Variants in PIWIL1 observed in about 807,000 individuals in gnomAD.
PIWIL1 encodes piwi like RNA-mediated gene silencing 1.
In PIWIL1, 73 loss-of-function variants were observed where a neutral mutation model predicts 114.4. That is an observed-to-expected ratio of 0.64 (90% CI 0.53 to 0.78). The LOEUF (loss-of-function observed/expected upper bound fraction) is 0.78, where lower values mean the gene tolerates loss of function less well. Among genes scored for constraint, PIWIL1 ranks in the 30% least tolerant of loss-of-function variants. The pLI is 0.00. For synonymous variants in PIWIL1, 375 were observed against 369.0 expected, an observed-to-expected ratio of 1.02 and a Z score of -0.19; for missense variants, 723 against 1,063.1, an observed-to-expected ratio of 0.68 and a Z score of 4.45.
chr12:130,355,666 C>T lies in PIWIL1; in HGVS notation c.1403C>T (p.Thr468Ile), dbSNP rs149285666. The change falls in exon 12 of 21, where the codon ACA becomes ATA. Residue 468 changes from threonine (T) to isoleucine (I), a missense_variant and splice_region_variant. Thr to Ile is a moderately conservative substitution (Grantham distance 89). This residue lies in a region of PIWIL1 where 298 missense variants were observed against 420.8 expected (regional missense o/e 0.71). Transcript: ENST00000245255. ...GAAAAGATTCACCAAGGTGGAAAAA[C>T]AGTAAGGCAGTTTTTCGTTGGTGTT... is the stretch of plus-strand genomic sequence containing the variant. ...QTEKIHQGGK[T>I]FDYNPQFADW... 6.3e-6 allele frequency: 10 copies of T among 1,599,272 alleles called. No homozygotes were observed. In the East Asian group the frequency reaches 8.9e-5, roughly 14 times the overall value.
the PIWIL1 span, chr12:130,399,535 C>A: frequency 1.2e-6 from 1 of 839,534 alleles, no homozygotes; most frequent in Non-Finnish European, 1.8e-6. Context: ...GGTACAACTC[C>A]CATGGCTTCA....
chr12:130,385,580 T>C, the PIWIL1 span, among the ~76,000 whole-genome samples: 2 of 152,222 alleles, frequency 1.3e-5, no homozygotes, highest in African/African-American at 4.8e-5. Context: ...GTGAACGGCT[T>C]ATAGATGTTT....
At chr12:130,354,712 T>C (rs752017518) in intron 10 of PIWIL1, 49 bp downstream of exon 10, 2 of 1,535,658 alleles carry the variant, frequency 1.3e-6, no homozygotes, top group Non-Finnish European at 1.7e-6. Flanking sequence ...GATTTACCCT[T>C]TCTTTCCTAG....
At chr12:130,374,155 A>G (rs1413782176), downstream of PIWIL1, among the ~76,000 whole-genome samples, 2 of 152,158 alleles carry the variant, frequency 1.3e-5, no homozygotes, top group East Asian at 3.9e-4. Flanking sequence ...GAAGCATTCT[A>G]TTTAGCAATT....
chr12:130,406,143 TG>T, the PIWIL1 span: 2 of 1,275,666 alleles, frequency 1.6e-6, no homozygotes, highest in Admixed American at 1.8e-5. Context: ...AAAAATCAAA[TG>T]GTACTTCTTG....
At chr12:130,349,100 A>C in intron 7 of PIWIL1, 139 bp from the exon 8 acceptor site, 1 of 590,758 alleles carries the variant, frequency 1.7e-6, no homozygotes, top group Non-Finnish European at 3.0e-6. Flanking sequence ...GAACCATGTA[A>C]ATCCTAGAAA....
the PIWIL1 span, among the ~76,000 whole-genome samples, chr12:130,392,500 C>G: frequency 2.0e-3 from 42 of 21,078 alleles, 3 homozygotes; most frequent in African/African-American, 7.2e-3. Flanking sequence ...CATCACGTGT[C>G]CGTCAGTTAC....
At chr12:130,357,141 C>A in intron 13 of PIWIL1, 36 bp downstream of exon 13, 1 of 1,552,630 alleles carries the variant, frequency 6.4e-7, no homozygotes, top group Non-Finnish European at 8.8e-7. Context: ...CTGAAAATTG[C>A]TTGGCAGTCA....
intron 9 of PIWIL1, among the ~76,000 whole-genome samples, chr12:130,353,504 G>C (rs1394025290): frequency 6.6e-6 from 1 of 152,090 alleles, no homozygotes; most frequent in Non-Finnish European, 1.5e-5. Context: ...ACAGGATATG[G>C]TAGGAAAGAG....
Position 130,371,566 on chromosome 12 carries a change from CTG to C in PIWIL1, c.2556_2557del (p.Ser853ThrfsTer21). 6.2e-7 allele frequency: 1 copy of C among 1,613,934 alleles called. No homozygotes were observed. Among genetic ancestry groups the C allele is most frequent in the Non-Finnish European group, 8.5e-7 (1 of 1,179,794 alleles). ...CCAGAGTATTCACAGAGAGCCAAATCTGTCACTGTCAAACCGCCTTTACTACC... is the reference window on the plus strand; with the variant it reads ...CCAGAGTATTCACAGAGAGCCAAATCTCACTGTCAAACCGCCTTTACTACC... ...VGQSIHREPN[L>X]SLSNRLYYL On this transcript the variant is annotated frameshift_variant, in exon 21 of 21. Coordinates refer to ENST00000245255, the MANE Select transcript of PIWIL1 (RefSeq NM_004764.5). LOFTEE classifies it high-confidence loss of function.
Position 130,349,406 on chromosome 12 carries a change from A to T in PIWIL1, c.902A>T (p.Lys301Ile), listed in dbSNP as rs1171152761. The T allele has an allele frequency of 1.2e-6, 2 of 1,612,534 alleles. No individual in the cohort carries two copies. The highest frequency in any genetic ancestry group is 1.7e-6 in the Non-Finnish European group (2 of 1,178,670). Residue 301 changes from lysine to isoleucine, a missense_variant, in exon 8 of 21, where the codon AAA becomes ATA. Physicochemically the swap from Lys to Ile is moderately radical, Grantham distance 102. Transcript: ENST00000245255. ...CATAAATTTCAAGAACAAGTTTCCA[A>T]AGAACTAATAGGTTTAGTTGTTCTT... ...EEHKFQEQVS[K>I]ELIGLVVLTK...
chr12:130,417,002 A>G, the PIWIL1 span, among the ~76,000 whole-genome samples: 1 of 152,180 alleles, frequency 6.6e-6, no homozygotes, highest in Non-Finnish European at 1.5e-5. Context: ...GCTCCACATC[A>G]CTAATCATTA....
At chr12:130,353,033 A>T (rs771980824) in intron 9 of PIWIL1, among the ~76,000 whole-genome samples, 1 of 152,214 alleles carries the variant, frequency 6.6e-6, no homozygotes, top group Non-Finnish European at 1.5e-5. Context: ...GAGGGCTTGT[A>T]GTAGGTGGCC....
the PIWIL1 span, among the ~76,000 whole-genome samples, chr12:130,392,337 G>A: frequency 2.6e-3 from 313 of 120,658 alleles, 9 homozygotes; most frequent in Admixed American, 4.6e-3. Context: ...GTTACCTGGT[G>A]AATATTGAAT....
the PIWIL1 span, among the ~76,000 whole-genome samples, chr12:130,380,359 T>A: frequency 6.6e-6 from 1 of 152,238 alleles, no homozygotes; most frequent in Admixed American, 6.5e-5. Flanking sequence ...TTTTTACTTT[T>A]GTATTTTTAC....
chr12:130,401,429 T>C, the PIWIL1 span, among the ~76,000 whole-genome samples: 1 of 152,064 alleles, frequency 6.6e-6, no homozygotes. Context: ...TTAGATAAAT[T>C]TTATGTAGAT....
At chr12:130,410,379 C>G in the PIWIL1 span, among the ~76,000 whole-genome samples, 271 of 152,218 alleles carry the variant, frequency 1.8e-3, no homozygotes, top group Non-Finnish European at 2.0e-3. Context: ...TTTGGTGAAG[C>G]CTAACATTGA....
At chr12:130,400,139 G>A in the PIWIL1 span, among the ~76,000 whole-genome samples, 1 of 152,034 alleles carries the variant, frequency 6.6e-6, no homozygotes, top group South Asian at 2.1e-4. Flanking sequence ...AGTGGTTCTC[G>A]GGCCTGGCTG....
At chr12:130,387,715 C>T in the PIWIL1 span, among the ~76,000 whole-genome samples, 1 of 151,392 alleles carries the variant, frequency 6.6e-6, no homozygotes, top group South Asian at 2.1e-4. Context: ...ATGCACACCA[C>T]CCCTTCCTGT....
Sources: gnomAD v4.1 joint callset for allele counts (sites outside exome capture counted in the v4.1 genomes callset) on GRCh38, gnomAD v4.1.1 for gene constraint, gnomAD v4.1.1 regional missense constraint, MANE v1.5 for transcripts, NCBI Gene and HGNC (gene_info 2026-07-23, HGNC 2026-07-21) for gene names.